MACROD2: variants seen among roughly 807,000 people sequenced by gnomAD.
MACROD2 encodes ADP-ribose glycohydrolase MACROD2.
Under a neutral mutation model 70.4 loss-of-function variants are expected in MACROD2, and 36 were observed. The observed-to-expected ratio is 0.51, with a 90% CI of 0.39 to 0.68. MACROD2 has a LOEUF of 0.68. Ranked by LOEUF, MACROD2 falls within the 30% of genes least tolerant of loss-of-function variation. MACROD2 has a pLI of 0.00. For synonymous variants in MACROD2, 172 were observed against 178.8 expected (o/e 0.96, Z 0.30); for missense variants, 496 against 538.4 (o/e 0.92, Z 0.78).
chr20:14,851,079 A>G (rs1283006982), intron 5 of MACROD2, among the ~76,000 whole-genome samples: 1 of 152,194 alleles, frequency 6.6e-6, no homozygotes, highest in African/African-American at 2.4e-5. Context: ...CTGCCTAGGA[A>G]AAGAAGTATG....
At chr20:14,214,723 C>G (rs1203744612) in intron 3 of MACROD2, among the ~76,000 whole-genome samples, 1 of 151,052 alleles carries the variant, frequency 6.6e-6, no homozygotes, top group Non-Finnish European at 1.5e-5. Context: ...ATATACTGCA[C>G]CATATTTGTA....
chr20:15,758,298 G>A (rs1270108785), intron 8 of MACROD2, among the ~76,000 whole-genome samples: 1 of 148,672 alleles, frequency 6.7e-6, no homozygotes, highest in Non-Finnish European at 1.5e-5. Flanking sequence ...GAGTGTAGTG[G>A]CGGGATCTTG....
intron 8 of MACROD2, among the ~76,000 whole-genome samples, chr20:15,600,615 A>G (rs1478337209): frequency 6.6e-6 from 1 of 152,220 alleles, no homozygotes; most frequent in East Asian, 1.9e-4. Context: ...TACTGAATAA[A>G]TGTCTTACAG....
intron 5 of MACROD2, among the ~76,000 whole-genome samples, chr20:15,075,158 G>T (rs1029203428): frequency 2.0e-5 from 3 of 148,168 alleles, no homozygotes; most frequent in Non-Finnish European, 4.5e-5. Context: ...CTCTAGGTGG[G>T]TTCATTGTAA....
intron 5 of MACROD2, among the ~76,000 whole-genome samples, chr20:15,179,904 A>C (rs1373035585): frequency 6.6e-6 from 1 of 152,190 alleles, no homozygotes; most frequent in Admixed American, 6.5e-5. Flanking sequence ...TGGCTTAAAC[A>C]ATAGGAATTT....
At chr20:15,180,311 C>T (rs1162131618) in intron 5 of MACROD2, among the ~76,000 whole-genome samples, 1 of 152,024 alleles carries the variant, frequency 6.6e-6, no homozygotes, top group Non-Finnish European at 1.5e-5. Flanking sequence ...TTTTTTTTAT[C>T]CGTTTAGCTT....
At chr20:14,603,825 T>TA (rs961347180) in intron 4 of MACROD2, among the ~76,000 whole-genome samples, 6 of 152,172 alleles carry the variant, frequency 3.9e-5, no homozygotes, top group African/African-American at 1.4e-4. Flanking sequence ...CTGGCAGTAT[T>TA]AGGACCAATC....
chr20:14,262,311 G>A (rs1332574932), intron 3 of MACROD2, among the ~76,000 whole-genome samples: 1 of 152,172 alleles, frequency 6.6e-6, no homozygotes, highest in Non-Finnish European at 1.5e-5. Context: ...GAAGGTGAGA[G>A]AATAGGTGGA....
intron 3 of MACROD2, among the ~76,000 whole-genome samples, chr20:14,365,848 T>A (rs1254799339): frequency 2.0e-5 from 3 of 152,214 alleles, no homozygotes; most frequent in Non-Finnish European, 4.4e-5. Flanking sequence ...TCCCTTGTGA[T>A]TTCTTTGGCC....
intron 3 of MACROD2, among the ~76,000 whole-genome samples, chr20:14,256,472 T>C (rs1418324579): frequency 6.6e-6 from 1 of 152,154 alleles, no homozygotes; most frequent in African/African-American, 2.4e-5. Context: ...TTTTAAAATT[T>C]AGCAAAATGT....
intron 4 of MACROD2, among the ~76,000 whole-genome samples, chr20:14,637,037 A>C (rs774478120): frequency 5.1e-4 from 77 of 152,336 alleles, no homozygotes; most frequent in Non-Finnish European, 6.6e-4. Flanking sequence ...ATGGTTTTTC[A>C]TACTCTACAA....
Position 14,421,988 on chromosome 20 carries a change from T to A in MACROD2, c.272-71491T>A, listed in dbSNP as rs145167043. Among the ~76,000 whole-genome samples the A allele has an allele frequency of 3.3e-4, 51 of 152,280 alleles. 1 individual carries two copies. The East Asian group carries it at 7.9e-3, about 24-fold the overall frequency. On this transcript the variant is annotated intron_variant, in intron 3 of 17. Transcript: ENST00000684519. ...GTTGTACCTGTTATTGAAGGCAAGG[T>A]ATTGAGTCTTCGACTATTATCTCCC...
At chr20:14,780,641 A>G (rs1460158110) in intron 5 of MACROD2, among the ~76,000 whole-genome samples, 9 of 151,994 alleles carry the variant, frequency 5.9e-5, no homozygotes, top group Admixed American at 5.9e-4. Flanking sequence ...CCATATTCAC[A>G]TGGACCATTT....
chr20:15,424,858 G>A (rs562961051), intron 6 of MACROD2, among the ~76,000 whole-genome samples: 2 of 152,348 alleles, frequency 1.3e-5, no homozygotes, highest in South Asian at 4.1e-4. Context: ...TAGTTGTGAT[G>A]AAGCTTCTCT....
chr20:16,032,142 G>T (rs1027505823), intron 15 of MACROD2, among the ~76,000 whole-genome samples: 1 of 151,952 alleles, frequency 6.6e-6, no homozygotes, highest in Non-Finnish European at 1.5e-5. Flanking sequence ...AGAAATAAAC[G>T]CATGCTATTT....
At chr20:15,547,878 G>C (rs2048045099) in intron 8 of MACROD2, among the ~76,000 whole-genome samples, 2 of 152,152 alleles carry the variant, frequency 1.3e-5, no homozygotes, top group Non-Finnish European at 1.5e-5. Flanking sequence ...CTTCATCTCA[G>C]AACAGCCTCT....
intron 4 of MACROD2, among the ~76,000 whole-genome samples, chr20:14,625,358 G>C (rs1984084035): frequency 6.6e-6 from 1 of 151,792 alleles, no homozygotes; most frequent in African/African-American, 2.4e-5. Context: ...GAAAGATTAG[G>C]AATGAGGGGG....
intron 8 of MACROD2, among the ~76,000 whole-genome samples, chr20:15,823,644 A>C (rs1000127021): frequency 1.3e-5 from 2 of 152,198 alleles, no homozygotes; most frequent in Admixed American, 1.3e-4. Flanking sequence ...TTGGTTCGCA[A>C]CTGCAATTCA....
intron 5 of MACROD2, among the ~76,000 whole-genome samples, chr20:14,885,365 T>A (rs997125986): frequency 6.6e-6 from 1 of 152,116 alleles, no homozygotes; most frequent in African/African-American, 2.4e-5. Context: ...TATACATAAA[T>A]ACCAATTACA....
Sources: gnomAD v4.1 joint callset for allele counts (sites outside exome capture counted in the v4.1 genomes callset) on GRCh38, gnomAD v4.1.1 for gene constraint, MANE v1.5 for transcripts, NCBI Gene and HGNC (gene_info 2026-07-23, HGNC 2026-07-21) for gene names.